NEURL1: variants seen among roughly 807,000 people sequenced by gnomAD.
NEURL1 encodes E3 ubiquitin-protein ligase NEURL1.
Under a neutral mutation model 41.2 loss-of-function variants are expected in NEURL1, and 26 were observed. The observed-to-expected ratio is 0.63, with a 90% CI of 0.46 to 0.87. The LOEUF is 0.87. Ranked by LOEUF, NEURL1 falls within the 40% of genes least tolerant of loss-of-function variation. NEURL1 has a pLI of 0.00. For synonymous variants in NEURL1, 400 were observed against 402.3 expected, an observed-to-expected ratio of 0.99 and a Z score of 0.07; for missense variants, 761 against 871.1, an observed-to-expected ratio of 0.87 and a Z score of 1.59.
chr10:103,571,406 G>A, intron 2 of NEURL1, 95 bp from the exon 3 acceptor site: 1 of 1,303,258 alleles, frequency 7.7e-7, no homozygotes, highest in Non-Finnish European at 1.0e-6. Context: ...GCAGGCTGCT[G>A]TGGGATGCTC....
intron 1 of NEURL1, among the ~76,000 whole-genome samples, chr10:103,527,629 A>G (rs534105993): frequency 6.6e-6 from 1 of 151,984 alleles, no homozygotes; most frequent in African/African-American, 2.4e-5. Context: ...GGTCTTCGTG[A>G]CTTGTATCTT....
chr10:103,585,252 G>A (rs1329661684), intron 4 of NEURL1, 27 bp downstream of exon 4: 5 of 1,466,094 alleles, frequency 3.4e-6, no homozygotes, highest in Non-Finnish European at 4.5e-6. Flanking sequence ...GCGCCTGGGC[G>A]TATGCCTTTC....
At chr10:103,551,920 A>C (rs1209749411) in intron 1 of NEURL1, among the ~76,000 whole-genome samples, 1 of 152,150 alleles carries the variant, frequency 6.6e-6, no homozygotes, top group East Asian at 1.9e-4. Context: ...TGCTCATCTG[A>C]AGGACTTCCA....
rs546400812 is a variant in NEURL1, at chr10:103,529,743, C to T, written c.85+35271C>T. ...TACAGGAGGATTCTTTACTCAATTG[C>T]TAAAAGCTGTAAATAATTGAAAAGT... On this transcript the variant is annotated intron_variant, in intron 1 of 5. Coordinates refer to ENST00000369780, the MANE Select transcript of NEURL1 (RefSeq NM_004210.5). Among the ~76,000 whole-genome samples the T allele has an allele frequency of 3.6e-4, 55 of 152,142 alleles. 1 individual carries two copies. Among genetic ancestry groups the T allele is most frequent in the Non-Finnish European group, 5.7e-4 (39 of 68,036 alleles).
Position 103,558,130 on chromosome 10 carries a change from G to T in NEURL1, c.86-12742G>T. On this transcript the variant is annotated intron_variant, in intron 1 of 5. Coordinates refer to ENST00000369780, the MANE Select transcript of NEURL1 (RefSeq NM_004210.5). This position sits in a 1 kb window ranked among gnomAD's most constrained non-coding sequence, Gnocchi z 4.2. The stretch of plus-strand genomic sequence containing the variant: ...CCTGACCTCGTGATCCACCTGTGTC[G>T]GCCTCCCAAAGTGCTGGGTTTACAG... 2 of 942,446 alleles carry T rather than the reference G, an allele frequency of 2.1e-6. No homozygotes were observed. The highest frequency in any genetic ancestry group is 4.9e-5 in the South Asian group (1 of 20,382). 58.4% of individuals were successfully genotyped at this position (942,446 alleles called of 1,614,324 possible). A position where few individuals can be genotyped will look rare whatever the true frequency, so the allele number is the denominator to read the frequency against.
intron 3 of NEURL1, among the ~76,000 whole-genome samples, chr10:103,572,774 A>G (rs1418357067): frequency 6.6e-6 from 1 of 152,188 alleles, no homozygotes; most frequent in African/African-American, 2.4e-5. Flanking sequence ...GCCATCGGCA[A>G]ACTGGCTTTG....
intron 1 of NEURL1, among the ~76,000 whole-genome samples, chr10:103,559,597 G>A (rs572811571): frequency 1.3e-5 from 2 of 152,196 alleles, no homozygotes; most frequent in African/African-American, 4.8e-5. Context: ...ATCCTGTTCT[G>A]CTCTTGCTGG....
chr10:103,591,018 G>T lies in NEURL1; in HGVS notation c.*646G>T, dbSNP rs1021781801. On this transcript the variant is annotated 3_prime_UTR_variant, in exon 6 of 6. Coordinates refer to ENST00000369780, the MANE Select transcript of NEURL1 (RefSeq NM_004210.5). ...GGTGGTTGCCTCCCGTCCTGGGCAG[G>T]CTGCAGCCTCATGCCATGTCTCTCT... 5.9e-5 allele frequency: 9 copies of T among 153,322 alleles called. No individual in the cohort carries two copies. Among genetic ancestry groups the T allele is most frequent in the African/African-American group, 2.2e-4 (9 of 41,468 alleles). The allele number at this position is 153,322 out of a possible 1,614,324, so 9.5% of individuals were successfully genotyped here.
At chr10:103,514,435 GT>G (rs1478204891) in intron 1 of NEURL1, among the ~76,000 whole-genome samples, 2 of 152,076 alleles carry the variant, frequency 1.3e-5, no homozygotes, top group Non-Finnish European at 2.9e-5. Context: ...TCCTTGTCAA[GT>G]GGAGTGTGGA....
At chr10:103,495,796 G>A (rs1252906031) in intron 1 of NEURL1, among the ~76,000 whole-genome samples, 4 of 152,208 alleles carry the variant, frequency 2.6e-5, no homozygotes, top group African/African-American at 4.8e-5. Context: ...GGCAATACAT[G>A]TCAAGATACT....
At chr10:103,583,179 G>A (rs886580311) in intron 3 of NEURL1, among the ~76,000 whole-genome samples, 4 of 152,168 alleles carry the variant, frequency 2.6e-5, no homozygotes, top group African/African-American at 9.7e-5. Context: ...AAGATGGAAG[G>A]AGCCCAGGAG....
At chr10:103,552,544 A>T (rs575883188) in intron 1 of NEURL1, among the ~76,000 whole-genome samples, 1 of 152,288 alleles carries the variant, frequency 6.6e-6, no homozygotes, top group South Asian at 2.1e-4. Flanking sequence ...GCCTGTCCTG[A>T]GCCTCCCAGA....
intron 3 of NEURL1, among the ~76,000 whole-genome samples, chr10:103,583,454 A>G (rs2035825995): frequency 6.6e-6 from 1 of 152,102 alleles, no homozygotes; most frequent in South Asian, 2.1e-4. Flanking sequence ...GGTGGCTCAC[A>G]CTTCTAATCG....
chr10:103,564,075 G>C (rs1439728674), intron 1 of NEURL1, among the ~76,000 whole-genome samples: 1 of 152,176 alleles, frequency 6.6e-6, no homozygotes, highest in Non-Finnish European at 1.5e-5. Flanking sequence ...AGTGGTTCTG[G>C]GGCAGAGCTT....
chr10:103,537,986 T>G (rs1213353565), intron 1 of NEURL1, among the ~76,000 whole-genome samples: 1 of 152,222 alleles, frequency 6.6e-6, no homozygotes, highest in Non-Finnish European at 1.5e-5. Context: ...TAGAGTTCTA[T>G]GTAATGGGAA....
At chr10:103,567,064 C>A (rs7098687) in intron 1 of NEURL1, among the ~76,000 whole-genome samples, 6,696 of 151,342 alleles carry the variant, frequency 0.044, 521 homozygotes, top group African/African-American at 0.15. Flanking sequence ...CTCACTGCAA[C>A]CCTCCGCCTC....
intron 1 of NEURL1, among the ~76,000 whole-genome samples, chr10:103,563,657 G>A (rs969460322): frequency 3.9e-5 from 6 of 152,060 alleles, no homozygotes; most frequent in Non-Finnish European, 8.8e-5. Flanking sequence ...AAAGCAGAAT[G>A]ATATAAATAG....
At chr10:103,531,300 C>A (rs1212397298) in intron 1 of NEURL1, among the ~76,000 whole-genome samples, 1 of 152,102 alleles carries the variant, frequency 6.6e-6, no homozygotes, top group African/African-American at 2.4e-5. Context: ...TTTAATGTTT[C>A]TTTGTTGATT....
In NEURL1 at chr10:103,558,612, A is replaced by T. The variant is rs2035214528; in HGVS notation, c.86-12260A>T. 6.6e-6 allele frequency among the ~76,000 whole-genome samples: 1 copy of T among 151,514 alleles called. No individual in the cohort carries two copies. The highest frequency in any genetic ancestry group is 1.5e-5 in the Non-Finnish European group (1 of 67,950). On this transcript the variant is annotated intron_variant, in intron 1 of 5. Coordinates refer to ENST00000369780, the MANE Select transcript of NEURL1 (RefSeq NM_004210.5). This position sits in a 1 kb window ranked among gnomAD's most constrained non-coding sequence, Gnocchi z 4.2. ...CAGCCTGGCAGGAGACCCATGGGGA[A>T]ATGAATTCCCATTTGGAAAATGGTT...
Sources: allele counts gnomAD v4.1 joint callset (sites outside exome capture counted in the v4.1 genomes callset), GRCh38; gene constraint gnomAD v4.1.1; non-coding constraint Gnocchi (gnomAD v3.1); transcripts MANE v1.5; gene names NCBI Gene and HGNC (gene_info 2026-07-23, HGNC 2026-07-21).